Variants in XKR4 observed in about 807,000 individuals in gnomAD.
XKR4 encodes XK-related protein 4.
Under a neutral mutation model 53.9 loss-of-function variants are expected in XKR4, and 12 were observed. The ratio of observed to expected loss-of-function variants is 0.22; its 90% CI spans 0.14 to 0.36. The LOEUF is 0.36. Among genes scored for constraint, XKR4 ranks in the 10% least tolerant of loss-of-function variants. The pLI is 1.00. For synonymous variants in XKR4, 354 were observed against 362.4 expected, an observed-to-expected ratio of 0.98 and a Z score of 0.26; for missense variants, 799 against 859.5, an observed-to-expected ratio of 0.93 and a Z score of 0.88.
Position 55,188,748 on chromosome 8 carries a change from A to G in XKR4, c.806+85454A>G, listed in dbSNP as rs558602774. Among the ~76,000 whole-genome samples the G allele has an allele frequency of 2.2e-4, 33 of 152,302 alleles. No homozygotes were observed. The South Asian group carries it at 4.8e-3, about 22-fold the overall frequency. On this transcript the variant is annotated intron_variant, in intron 1 of 2. Coordinates refer to ENST00000327381, the MANE Select transcript of XKR4 (RefSeq NM_052898.2). ...GACAAAATCATGAAGATGCTTAGTAATTGTGTGAGTTGGGCATGTTACTTA... is the reference window on the plus strand; with the variant it reads ...GACAAAATCATGAAGATGCTTAGTAGTTGTGTGAGTTGGGCATGTTACTTA...
At chr8:55,105,210 T>C (rs546237749) in intron 1 of XKR4, among the ~76,000 whole-genome samples, 18 of 152,246 alleles carry the variant, frequency 1.2e-4, no homozygotes, top group African/African-American at 3.1e-4. Flanking sequence ...ATCTCCCCAA[T>C]TGAAAAATGA....
chr8:55,202,422 C>T (rs1817588080), intron 1 of XKR4, among the ~76,000 whole-genome samples: 1 of 152,170 alleles, frequency 6.6e-6, no homozygotes, highest in African/African-American at 2.4e-5. Context: ...CCAAGGGGCC[C>T]CTCCACAAAC....
At chr8:55,432,679 A>C (rs1248407836) in intron 2 of XKR4, among the ~76,000 whole-genome samples, 1 of 152,242 alleles carries the variant, frequency 6.6e-6, no homozygotes, top group Non-Finnish European at 1.5e-5. Context: ...CAGAGGAATT[A>C]TGTTAGTCAT....
rs1021992527 is a variant in XKR4 at position 55,102,842 on chromosome 8, C to T, written c.354C>T (p.Ala118=). ...SLWDCLWILA[A]VAVYFADVGT... The stretch of plus-strand genomic sequence containing the variant: ...GGGACTGCCTCTGGATCCTGGCCGC[C>T]GTGGCCGTGTACTTCGCGGACGTGG... The change falls in exon 1 of 3, where the codon GCC becomes GCT. Residue 118 remains alanine, a synonymous_variant. Transcript: ENST00000327381. This position sits in a 1 kb window ranked among gnomAD's most constrained non-coding sequence, Gnocchi z 5.1. The T allele has an allele frequency of 2.5e-6, 4 of 1,611,096 alleles. No individual in the cohort carries two copies. Among genetic ancestry groups the T allele is most frequent in the African/African-American group, 1.3e-5 (1 of 74,924 alleles).
rs551895961 is a variant in XKR4 at position 55,114,440 on chromosome 8, A to T, written c.806+11146A>T. On this transcript the variant is annotated intron_variant, in intron 1 of 2. Coordinates refer to ENST00000327381, the MANE Select transcript of XKR4 (RefSeq NM_052898.2). ...TTGTGCATGTTTGACTGAGAATTTT[A>T]TGTTATCAGAAGTGTACAGGAAGTC... is the stretch of plus-strand genomic sequence containing the variant. 2.0e-5 allele frequency among the ~76,000 whole-genome samples: 3 copies of T among 152,196 alleles called. No individual in the cohort carries two copies. In the South Asian group the frequency reaches 6.2e-4, roughly 32 times the overall value.
intron 2 of XKR4, among the ~76,000 whole-genome samples, chr8:55,508,006 T>C (rs1388563986): frequency 6.6e-6 from 1 of 152,136 alleles, no homozygotes; most frequent in African/African-American, 2.4e-5. Context: ...TTCTCATCCA[T>C]TTTCAAAGAT....
intron 1 of XKR4, among the ~76,000 whole-genome samples, chr8:55,190,956 G>A (rs1182702123): frequency 6.6e-6 from 1 of 152,188 alleles, no homozygotes; most frequent in Non-Finnish European, 1.5e-5. Context: ...TGCTGATAAT[G>A]CCAACCTTTT....
chr8:55,453,069 C>G, intron 2 of XKR4: 1 of 589,286 alleles, frequency 1.7e-6, no homozygotes, highest in African/African-American at 1.8e-5. Flanking sequence ...GGGCTGGGGC[C>G]TGATCCTCGG....
chr8:55,408,607 T>A (rs1804724720), intron 2 of XKR4, among the ~76,000 whole-genome samples: 1 of 152,074 alleles, frequency 6.6e-6, no homozygotes, highest in South Asian at 2.1e-4. Context: ...GACACAATGG[T>A]CCTGAAAAAG....
At chr8:55,170,277 A>G (rs1223266452) in intron 1 of XKR4, among the ~76,000 whole-genome samples, 2 of 152,284 alleles carry the variant, frequency 1.3e-5, no homozygotes, top group Admixed American at 6.5e-5. Context: ...ATGCAGATGA[A>G]AATAAGGTTG....
At chr8:55,177,667 C>G (rs1292571148) in intron 1 of XKR4, among the ~76,000 whole-genome samples, 1 of 152,186 alleles carries the variant, frequency 6.6e-6, no homozygotes, top group Non-Finnish European at 1.5e-5. Flanking sequence ...TCGTAGGCAG[C>G]CTTCACTAAC....
intron 1 of XKR4, among the ~76,000 whole-genome samples, chr8:55,287,710 T>C (rs1818927623): frequency 1.3e-5 from 2 of 152,346 alleles, no homozygotes; most frequent in South Asian, 2.1e-4. Context: ...TTTTCCTTCC[T>C]GTCTTCGCCA....
intron 2 of XKR4, among the ~76,000 whole-genome samples, chr8:55,389,482 G>A (rs181498622): frequency 6.6e-6 from 1 of 152,260 alleles, no homozygotes; most frequent in East Asian, 1.9e-4. Context: ...CTGGCTAATG[G>A]ATTATATTTG....
intron 1 of XKR4, among the ~76,000 whole-genome samples, chr8:55,136,197 T>C (rs1252817912): frequency 6.6e-6 from 1 of 152,194 alleles, no homozygotes; most frequent in African/African-American, 2.4e-5. Flanking sequence ...TGGCCCATGC[T>C]CACTAATTTG....
At chr8:55,424,562 G>A (rs1242835558) in intron 2 of XKR4, among the ~76,000 whole-genome samples, 1 of 152,146 alleles carries the variant, frequency 6.6e-6, no homozygotes, top group Non-Finnish European at 1.5e-5. Flanking sequence ...AACCTGTCAG[G>A]CACTAGCAGC....
intron 1 of XKR4, among the ~76,000 whole-genome samples, chr8:55,251,186 CGGTGTA>C (rs1470822016): frequency 6.6e-6 from 1 of 152,048 alleles, no homozygotes; most frequent in Admixed American, 6.5e-5. Flanking sequence ...ATTTAAGTAT[CGGTGTA>C]GGTGTAGGTA....
At chr8:55,495,090 G>A (rs1806322891) in intron 2 of XKR4, among the ~76,000 whole-genome samples, 1 of 152,178 alleles carries the variant, frequency 6.6e-6, no homozygotes, top group South Asian at 2.1e-4. Context: ...CCAAAGTCCA[G>A]AGCGGGCTGA....
At chr8:55,294,496 T>G (rs1444939481) in intron 1 of XKR4, among the ~76,000 whole-genome samples, 1 of 152,172 alleles carries the variant, frequency 6.6e-6, no homozygotes, top group South Asian at 2.1e-4. Flanking sequence ...TGGGAGACAC[T>G]GAGAAAAGCC....
At chr8:55,418,829 T>A (rs940982348) in intron 2 of XKR4, among the ~76,000 whole-genome samples, 1 of 151,818 alleles carries the variant, frequency 6.6e-6, no homozygotes, top group South Asian at 2.1e-4. Context: ...AAAGTCGCCT[T>A]CTCATCACGA....
Sources: allele counts gnomAD v4.1 joint callset (sites outside exome capture counted in the v4.1 genomes callset), GRCh38; gene constraint gnomAD v4.1.1; non-coding constraint Gnocchi (gnomAD v3.1); transcripts MANE v1.5; gene names NCBI Gene and HGNC (gene_info 2026-07-23, HGNC 2026-07-21).